PCDHGA4: variants seen among roughly 807,000 people sequenced by gnomAD.
PCDHGA4 encodes the protein protocadherin gamma-A4.
A neutral mutation model predicts 54.6 loss-of-function variants in PCDHGA4; 38 were observed. The observed-to-expected ratio is 0.70, with a 90% confidence interval of 0.54 to 0.91. The LOEUF (loss-of-function observed/expected upper bound fraction) is 0.91. Among genes scored for constraint, PCDHGA4 ranks in the 40% least tolerant of loss-of-function variants. The probability of loss-of-function intolerance (pLI) is 0.00; values close to 1 mark genes in which losing one functional copy is unlikely to be tolerated. For missense variants in PCDHGA4, 1,298 were observed against 1,220.9 expected, an observed-to-expected ratio of 1.06 and a Z score of -0.94; for synonymous variants, 511 against 512.9, an observed-to-expected ratio of 1.00 and a Z score of 0.05.
At chr5:141,421,081 A>G (rs775366249) in intron 1 of PCDHGA4, 61 of 637,820 alleles carry the variant, frequency 9.6e-5, no homozygotes, top group Non-Finnish European at 1.4e-4. Flanking sequence ...ATGGATACTC[A>G]CAGATCCTGA....
In PCDHGA4 at chr5:141,357,267, C is replaced by T; in HGVS notation, c.2160C>T (p.Leu720=). ...KPSADPDDSG[L]TLYLVVAVAA... ...CAGCAGACCCAGACGACTCGGGCCT[C>T]ACACTCTATCTCGTGGTGGCAGTGG... Residue 720 remains leucine (L), a synonymous_variant, in exon 1 of 4, where the codon CTC becomes CTT. Transcript: ENST00000571252. 6.2e-7 allele frequency: 1 copy of T among 1,613,834 alleles called. No individual in the cohort carries two copies. The highest frequency in any genetic ancestry group is 8.5e-7 in the Non-Finnish European group (1 of 1,179,744).
At chr5:141,400,087 G>A (rs751908680) in intron 1 of PCDHGA4, 3 of 1,614,042 alleles carry the variant, frequency 1.9e-6, no homozygotes, top group Non-Finnish European at 2.5e-6. Flanking sequence ...CTCCGCCACC[G>A]CCACGCTGCA....
chr5:141,477,951 G>T lies in PCDHGA4; in HGVS notation c.2515-16856G>T. 3 of 1,614,120 alleles carry T rather than the reference G, an allele frequency of 1.9e-6. No homozygotes were observed. The highest frequency in any genetic ancestry group is 2.5e-6 in the Non-Finnish European group (3 of 1,180,024). Reference sequence around the variant, plus strand: ...GCCTGGCTCTCCTACAGTCTCTTGGGATCCCCTAACCAGAGCCTTTTTGCC... The same window carrying T: ...GCCTGGCTCTCCTACAGTCTCTTGGTATCCCCTAACCAGAGCCTTTTTGCC... On this transcript the variant is annotated intron_variant, in intron 1 of 3. Transcript: ENST00000571252. The surrounding 1 kb of genome is among the most constrained non-coding windows in gnomAD (Gnocchi z 4.9).
chr5:141,500,445 G>A (rs1319009998), intron 2 of PCDHGA4, among the ~76,000 whole-genome samples: 1 of 151,816 alleles, frequency 6.6e-6, no homozygotes, highest in Non-Finnish European at 1.5e-5. Flanking sequence ...TCCTGACCTC[G>A]TGATCCGCCC....
At chr5:141,426,116 G>A (rs1324245739) in intron 1 of PCDHGA4, among the ~76,000 whole-genome samples, 3 of 152,232 alleles carry the variant, frequency 2.0e-5, no homozygotes, top group African/African-American at 7.2e-5. Context: ...AAGCAAGTCG[G>A]AGAGTGGCCA....
chr5:141,408,777 C>T (rs1019825842), intron 1 of PCDHGA4: 22 of 1,611,714 alleles, frequency 1.4e-5, no homozygotes, highest in Non-Finnish European at 1.8e-5. Context: ...GGCAAATACC[C>T]AGAGTTATCT....
At chr5:141,484,598 T>C (rs2099598059) in intron 1 of PCDHGA4, among the ~76,000 whole-genome samples, 1 of 152,080 alleles carries the variant, frequency 6.6e-6, no homozygotes, top group Non-Finnish European at 1.5e-5. Flanking sequence ...TCATTTAGAA[T>C]ACTGGTTGAT....
chr5:141,473,860 A>G (rs184722742), intron 1 of PCDHGA4, among the ~76,000 whole-genome samples: 409 of 152,318 alleles, frequency 2.7e-3, no homozygotes, highest in Middle Eastern at 6.8e-3. Context: ...GAACCTCGCT[A>G]TTGTGGAGAA....
intron 1 of PCDHGA4, chr5:141,384,370 T>C (rs769961814): frequency 1.9e-6 from 3 of 1,613,926 alleles, no homozygotes; most frequent in South Asian, 2.2e-5. Context: ...CACTTATTCC[T>C]TGGCCGAAGA....
At chr5:141,478,087 C>T in intron 1 of PCDHGA4, 1 of 1,614,134 alleles carries the variant, frequency 6.2e-7, no homozygotes, top group East Asian at 2.2e-5. Flanking sequence ...CTTCGCTCTC[C>T]ACCACTGCTA....
chr5:141,497,148 A>G (rs1436451953), intron 2 of PCDHGA4, among the ~76,000 whole-genome samples: 1 of 152,122 alleles, frequency 6.6e-6, no homozygotes, highest in Non-Finnish European at 1.5e-5. Context: ...ATCACGAAAA[A>G]AAAATAATCT....
chr5:141,390,568 C>G (rs2092182781), intron 1 of PCDHGA4: 3 of 414,984 alleles, frequency 7.2e-6, no homozygotes, highest in East Asian at 4.5e-5. Flanking sequence ...GTTGTTGGCT[C>G]TCTCCTAAAA....
chr5:141,403,202 T>A, intron 1 of PCDHGA4: 4 of 1,613,984 alleles, frequency 2.5e-6, no homozygotes, highest in Non-Finnish European at 3.4e-6. Context: ...CAGCGGCACC[T>A]TGGTCACCGC....
chr5:141,423,085 G>A, intron 1 of PCDHGA4: 1 of 1,614,072 alleles, frequency 6.2e-7, no homozygotes, highest in Non-Finnish European at 8.5e-7. Flanking sequence ...ACTCTTCGCG[G>A]TGGGGGAGCA....
rs766795269 is a variant in PCDHGA4, at chr5:141,394,804, T to C, written c.2514+37183T>C. Reference sequence around the variant, plus strand: ...GCCACTGTCACGCTCACCGTAGCCGTGGCTGACAGCATCCCCGAAGTCCTG... The same window carrying C: ...GCCACTGTCACGCTCACCGTAGCCGCGGCTGACAGCATCCCCGAAGTCCTG... On this transcript the variant is annotated intron_variant, in intron 1 of 3. Coordinates refer to ENST00000571252, the MANE Select transcript of PCDHGA4 (RefSeq NM_018917.4). 8 of 1,613,850 alleles carry C rather than the reference T, an allele frequency of 5.0e-6. No individual in the cohort carries two copies. In the South Asian group the frequency reaches 6.6e-5, roughly 13 times the overall value.
intron 1 of PCDHGA4, chr5:141,399,959 G>T (rs1257286209): frequency 6.2e-7 from 1 of 1,612,230 alleles, no homozygotes; most frequent in East Asian, 2.2e-5. Context: ...AGCGAGCCCG[G>T]GCTCTTCAGC....
At chr5:141,466,376 C>A (rs1046432765) in intron 1 of PCDHGA4, among the ~76,000 whole-genome samples, 1 of 151,904 alleles carries the variant, frequency 6.6e-6, no homozygotes, top group Non-Finnish European at 1.5e-5. Flanking sequence ...GTTTTGGCAC[C>A]CATCTAATGG....
intron 1 of PCDHGA4, among the ~76,000 whole-genome samples, chr5:141,448,632 T>G (rs1383720361): frequency 1.3e-5 from 2 of 152,106 alleles, no homozygotes; most frequent in Admixed American, 1.3e-4. Context: ...TTCTTCACAT[T>G]ATATCCTTTA....
intron 1 of PCDHGA4, chr5:141,400,548 T>C: frequency 6.2e-7 from 1 of 1,613,656 alleles, no homozygotes; most frequent in South Asian, 1.1e-5. Context: ...ATGTCTATTC[T>C]TTTTCATTAC....
Sources: gnomAD v4.1 joint callset for allele counts (sites outside exome capture counted in the v4.1 genomes callset) on GRCh38, gnomAD v4.1.1 for gene constraint, Gnocchi (gnomAD v3.1) non-coding constraint, MANE v1.5 for transcripts, NCBI Gene and HGNC (gene_info 2026-07-23, HGNC 2026-07-21) for gene names.